Variants in PCDHA9 observed in about 807,000 individuals in gnomAD.
PCDHA9 encodes protocadherin alpha 9, also known as protocadherin alpha-9.
PCDHA9 carries 62 observed loss-of-function variants against 62.0 expected under a neutral mutation model. The observed-to-expected ratio is 1.00, with a 90% CI of 0.81 to 1.23. The LOEUF (loss-of-function observed/expected upper bound fraction) is 1.23. PCDHA9 is among the 50% of genes most tolerant of loss of function. The probability of loss-of-function intolerance (pLI) is 0.00; values close to 1 mark genes in which losing one functional copy is unlikely to be tolerated. For synonymous variants in PCDHA9, 557 were observed against 567.6 expected (o/e 0.98, Z 0.27); for missense variants, 1,205 against 1,249.8 (o/e 0.96, Z 0.54).
At chr5:140,858,280 G>A (rs782403060) in intron 1 of PCDHA9, 11 of 1,597,460 alleles carry the variant, frequency 6.9e-6, no homozygotes, top group Non-Finnish European at 5.1e-6. Flanking sequence ...GCGCGGTGGG[G>A]AGCTGGTCTT....
chr5:140,928,228 C>A (rs376517088), intron 1 of PCDHA9: 2 of 1,614,218 alleles, frequency 1.2e-6, no homozygotes, highest in Admixed American at 1.7e-5. Context: ...ACCAAACTTT[C>A]CTCAACCCCA....
rs2098416892 is a variant in PCDHA9, at chr5:141,010,305, G to A, written c.*368G>A. ...TGACACTTGCAGGGCAGGCTGAAAA[G>A]TTTTGAGATTGAGCAGCTTGGGAGT... is the stretch of plus-strand genomic sequence containing the variant. On this transcript the variant is annotated 3_prime_UTR_variant, in exon 4 of 4. Coordinates refer to ENST00000532602, the MANE Select transcript of PCDHA9 (RefSeq NM_031857.2). 1 of 1,548,478 alleles carries A rather than the reference G, an allele frequency of 6.5e-7. No individual in the cohort carries two copies. The highest frequency in any genetic ancestry group is 2.4e-5 in the East Asian group (1 of 40,890).
intron 1 of PCDHA9, chr5:140,857,828 C>A (rs781917564): frequency 2.5e-6 from 4 of 1,597,660 alleles, no homozygotes; most frequent in African/African-American, 1.3e-5. Flanking sequence ...GGCTAAGGTG[C>A]GCGCAGTGGA....
intron 1 of PCDHA9, among the ~76,000 whole-genome samples, chr5:140,905,903 G>A (rs2072195312): frequency 6.6e-6 from 1 of 152,184 alleles, no homozygotes; most frequent in African/African-American, 2.4e-5. Flanking sequence ...AAGCTGAGGA[G>A]CAAGGAATCC....
intron 1 of PCDHA9, chr5:140,862,894 T>A (rs251369): frequency 0.66 from 367,469 of 559,470 alleles, 121,120 homozygotes; most frequent in Middle Eastern, 0.71. Flanking sequence ...AACGACAACT[T>A]TGTCTGCGCT....
At position 140,850,732 on chromosome 5, in the gene PCDHA9, G is replaced by A. The variant is rs1320738084; in HGVS notation, c.2237G>A (p.Gly746Glu). 6.3e-7 allele frequency: 1 copy of A among 1,597,840 alleles called. No homozygotes were observed. The highest frequency in any genetic ancestry group is 8.6e-7 in the Non-Finnish European group (1 of 1,167,618). ...KPTLVCSSAV[G>E]SWSYSQQRRQ... ...ACGCTGGTGTGTTCTAGCGCGGTGGGGAGTTGGTCGTACTCGCAGCAGAGG... is the reference window on the plus strand; with the variant it reads ...ACGCTGGTGTGTTCTAGCGCGGTGGAGAGTTGGTCGTACTCGCAGCAGAGG... Residue 746 changes from glycine to glutamate, a missense_variant, in exon 1 of 4, where the codon GGG (glycine) becomes GAG (glutamate). Gly to Glu is a moderately conservative substitution (Grantham distance 98). Around this residue, in one of 3 missense-constraint regions of PCDHA9, gnomAD observed 887 missense variants for 809.5 expected, o/e 1.10. Transcript: ENST00000532602.
intron 1 of PCDHA9, chr5:140,857,942 A>G: frequency 6.3e-7 from 1 of 1,597,440 alleles, no homozygotes; most frequent in Non-Finnish European, 8.6e-7. Flanking sequence ...CGAGATCAGT[A>G]CGACGCGCGC....
intron 3 of PCDHA9, among the ~76,000 whole-genome samples, chr5:140,993,994 A>T (rs1393081374): frequency 6.6e-6 from 1 of 152,234 alleles, no homozygotes; most frequent in African/African-American, 2.4e-5. Context: ...CACTTAGGTC[A>T]GGCCAGGCTC....
chr5:140,850,520 G>T lies in PCDHA9; in HGVS notation c.2025G>T (p.Ala675=), dbSNP rs782515896. ...VLVSLVESGQ[A]PKSSSRASVG... is the part of the protein sequence containing the mutation. Reference sequence around the variant, plus strand: ...TGTCGCTGGTGGAGAGCGGCCAGGCGCCAAAGTCATCGTCGCGGGCGTCAG... The same window carrying T: ...TGTCGCTGGTGGAGAGCGGCCAGGCTCCAAAGTCATCGTCGCGGGCGTCAG... The change falls in exon 1 of 4, where the codon GCG becomes GCT. Residue 675 remains alanine (A), a synonymous_variant. Transcript: ENST00000532602. 3 of 1,598,186 alleles carry T rather than the reference G, an allele frequency of 1.9e-6. No homozygotes were observed. The highest frequency in any genetic ancestry group is 1.1e-5 in the South Asian group (1 of 90,546).
chr5:140,927,402 C>G, intron 1 of PCDHA9: 1 of 1,614,128 alleles, frequency 6.2e-7, no homozygotes, highest in Non-Finnish European at 8.5e-7. Context: ...AGCACTTTCG[C>G]CTGGACATGG....
Position 140,922,401 on chromosome 5 carries a change from A to T in PCDHA9, c.2395-56548A>T, listed in dbSNP as rs1290862669. On this transcript the variant is annotated intron_variant, in intron 1 of 3. Transcript: ENST00000532602. ...AACCAAAGACTCCTTGTTTTGGATT[A>T]AAAAGATCTAGGTACAGAGGCTGAG... 2.6e-5 allele frequency among the ~76,000 whole-genome samples: 4 copies of T among 152,234 alleles called. No individual in the cohort carries two copies. In the East Asian group the frequency reaches 7.7e-4, roughly 29 times the overall value.
At chr5:140,885,016 T>C (rs1554181958) in intron 1 of PCDHA9, among the ~76,000 whole-genome samples, 1 of 152,244 alleles carries the variant, frequency 6.6e-6, no homozygotes. Flanking sequence ...CTAATCGTAA[T>C]CTTAAATTTA....
intron 1 of PCDHA9, among the ~76,000 whole-genome samples, chr5:140,926,042 T>A (rs1316278838): frequency 2.0e-5 from 3 of 152,148 alleles, no homozygotes; most frequent in African/African-American, 7.2e-5. Context: ...CGGACACTAT[T>A]CCCCAACCTT....
intron 1 of PCDHA9, among the ~76,000 whole-genome samples, chr5:140,912,408 T>A (rs1376927432): frequency 6.6e-6 from 1 of 152,054 alleles, no homozygotes; most frequent in Non-Finnish European, 1.5e-5. Flanking sequence ...TCAGCTTGGT[T>A]ATTATTGGTG....
intron 1 of PCDHA9, chr5:140,860,800 C>A (rs1270356784): frequency 1.3e-5 from 2 of 152,198 alleles, no homozygotes; most frequent in Non-Finnish European, 2.9e-5. Context: ...TGCAGTGGCA[C>A]GATCTCGGCT....
At chr5:140,871,475 G>A in intron 1 of PCDHA9, 1 of 1,598,972 alleles carries the variant, frequency 6.3e-7, no homozygotes, top group Non-Finnish European at 8.5e-7. Context: ...CAGGAGCCAG[G>A]GTCAAATCAC....
chr5:140,917,231 A>G (rs2077963769), intron 1 of PCDHA9, among the ~76,000 whole-genome samples: 1 of 151,360 alleles, frequency 6.6e-6, no homozygotes, highest in Admixed American at 6.6e-5. Context: ...TACGTTGTTA[A>G]ATCTAGGTAC....
At chr5:140,857,192 G>A in intron 1 of PCDHA9, 2 of 1,598,474 alleles carry the variant, frequency 1.3e-6, no homozygotes, top group Non-Finnish European at 1.7e-6. Context: ...AGGAGCCAAC[G>A]GACAGGTCAC....
At chr5:140,891,201 T>C (rs1301476369) in intron 1 of PCDHA9, among the ~76,000 whole-genome samples, 3 of 152,214 alleles carry the variant, frequency 2.0e-5, no homozygotes, top group Non-Finnish European at 4.4e-5. Context: ...TTTGCAGTTT[T>C]ACCATGCTGT....
Sources: allele counts gnomAD v4.1 joint callset (sites outside exome capture counted in the v4.1 genomes callset), GRCh38; gene constraint gnomAD v4.1.1; regional missense constraint gnomAD v4.1.1; transcripts MANE v1.5; gene names NCBI Gene and HGNC (gene_info 2026-07-23, HGNC 2026-07-21).